The following KLHL26 variants were observed in gnomAD, a reference collection of about 807,000 sequenced individuals.
KLHL26 encodes the protein kelch-like protein 26.
In KLHL26, 4 loss-of-function variants were observed where a neutral mutation model predicts 7.1. The observed-to-expected ratio is 0.56, with a 90% CI of 0.28 to 1.28. The LOEUF is 1.28. Ranked by LOEUF, KLHL26 falls within the 50% of genes most tolerant of loss-of-function variation. The pLI is 0.11. For synonymous variants in KLHL26, 465 were observed against 414.1 expected (o/e 1.12, Z -1.49); for missense variants, 896 against 924.6 (o/e 0.97, Z 0.40).
chr19:18,660,294 CT>C (rs935176464), intron 1 of KLHL26, among the ~76,000 whole-genome samples: 10 of 152,340 alleles, frequency 6.6e-5, no homozygotes, highest in African/African-American at 2.4e-4. Flanking sequence ...AGAATGGCCC[CT>C]AGCCCGGGCC....
At chr19:18,655,378 C>A (rs1224805967) in intron 1 of KLHL26, among the ~76,000 whole-genome samples, 1 of 152,230 alleles carries the variant, frequency 6.6e-6, no homozygotes, top group South Asian at 2.1e-4. Context: ...CAGAGGCCCA[C>A]CCACCTGGGA....
intron 2 of KLHL26, among the ~76,000 whole-genome samples, chr19:18,666,587 C>A (rs931739468): frequency 1.6e-4 from 24 of 152,186 alleles, no homozygotes; most frequent in African/African-American, 5.3e-4. Flanking sequence ...CTCTCATGTT[C>A]TGCCTCGCAG....
In KLHL26 at chr19:18,668,658, C is replaced by T. The variant is rs1233713323; in HGVS notation, c.1261C>T (p.Arg421Cys). ...LCGMVYATGG[R>C]NRAGSLASVE... ...CGGCATGGTGTACGCCACGGGCGGC[C>T]GCAACCGAGCCGGCAGCCTGGCCTC... Residue 421 changes from arginine to cysteine, a missense_variant, in exon 3 of 3, where the codon CGC (arginine) becomes TGC (cysteine). Arg to Cys is a radical substitution (Grantham distance 180, BLOSUM62 -3). Transcript: ENST00000300976. 1.3e-6 allele frequency: 2 copies of T among 1,566,552 alleles called. No homozygotes were observed. The highest frequency in any genetic ancestry group is 1.7e-6 in the Non-Finnish European group (2 of 1,160,992).
rs569432237 is a variant in KLHL26, at chr19:18,649,708, C to G, written c.83+12571C>G. ...CTCTGGTAGCCGCTCTGCAGCTGTG[C>G]GGACCAGCTCTCTTAACACTTGTTA... On this transcript the variant is annotated intron_variant, in intron 1 of 2. Coordinates refer to ENST00000300976, the MANE Select transcript of KLHL26 (RefSeq NM_018316.3). The surrounding 1 kb of genome is among the most constrained non-coding windows in gnomAD (Gnocchi z 4.0). Among the ~76,000 whole-genome samples the G allele has an allele frequency of 6.6e-6, 1 of 152,222 alleles. No homozygotes were observed. Among genetic ancestry groups the G allele is most frequent in the African/African-American group, 2.4e-5 (1 of 41,446 alleles).
chr19:18,669,455 C>T lies in KLHL26; in HGVS notation c.*210C>T, dbSNP rs957150350. On this transcript the variant is annotated 3_prime_UTR_variant, in exon 3 of 3. Coordinates refer to ENST00000300976, the MANE Select transcript of KLHL26 (RefSeq NM_018316.3). Reference sequence around the variant, plus strand: ...TGCGAGTCCATCCGAGGGAGCCTGCCGGCAAAGCGTCTGACATGTGGTGGC... The same window carrying T: ...TGCGAGTCCATCCGAGGGAGCCTGCTGGCAAAGCGTCTGACATGTGGTGGC... The T allele has an allele frequency of 2.4e-5, 14 of 584,770 alleles. No homozygotes were observed. The highest frequency in any genetic ancestry group is 5.8e-5 in the East Asian group (2 of 34,696). The allele number at this position is 584,770 out of a possible 1,614,324, so 36.2% of individuals were successfully genotyped here. A position where few individuals can be genotyped will look rare whatever the true frequency, so the allele number is the denominator to read the frequency against.
rs989054921 is a variant in KLHL26 at position 18,650,538 on chromosome 19, T to A, written c.83+13401T>A. Among the ~76,000 whole-genome samples the A allele has an allele frequency of 2.0e-5, 3 of 152,072 alleles. No homozygotes were observed. The highest frequency in any genetic ancestry group is 7.2e-5 in the African/African-American group (3 of 41,416). On this transcript the variant is annotated intron_variant, in intron 1 of 2. Coordinates refer to ENST00000300976, the MANE Select transcript of KLHL26 (RefSeq NM_018316.3). This position sits in a 1 kb window ranked among gnomAD's most constrained non-coding sequence, Gnocchi z 4.2. The stretch of plus-strand genomic sequence containing the variant: ...GGCTGCGCTAGGTCTCTCCTCTGGC[T>A]CCCCCTCCTCGGGTCCTCGTGGCTC...
intron 1 of KLHL26, among the ~76,000 whole-genome samples, chr19:18,660,239 G>A (rs1028977710): frequency 2.0e-5 from 3 of 152,222 alleles, no homozygotes; most frequent in African/African-American, 7.2e-5. Context: ...CCTGGCTAGG[G>A]TGCCCGATGA....
Position 18,656,900 on chromosome 19 carries a change from C to T in KLHL26, c.84-7361C>T, listed in dbSNP as rs2052340080. Among the ~76,000 whole-genome samples, 1 of 152,142 alleles carries T rather than the reference C, an allele frequency of 6.6e-6. No homozygotes were observed. The highest frequency in any genetic ancestry group is 1.5e-5 in the Non-Finnish European group (1 of 68,006). ...AGGAGGGAGACACAGACAGCTGCAC[C>T]CTGGCGGCCCCTGAGCTGCAGTCTC... On this transcript the variant is annotated intron_variant, in intron 1 of 2. Coordinates refer to ENST00000300976, the MANE Select transcript of KLHL26 (RefSeq NM_018316.3). The surrounding 1 kb of genome is among the most constrained non-coding windows in gnomAD (Gnocchi z 4.4).
At position 18,669,432 on chromosome 19, in the gene KLHL26, C is replaced by T. The variant is rs62137132; in HGVS notation, c.*187C>T. 7.8e-5 allele frequency: 46 copies of T among 593,154 alleles called. 1 individual carries two copies. The highest frequency in any genetic ancestry group is 4.3e-4 in the African/African-American group (23 of 53,714). 36.7% of individuals were successfully genotyped at this position (593,154 alleles called of 1,614,324 possible). A position where few individuals can be genotyped will look rare whatever the true frequency, so the allele number is the denominator to read the frequency against. ...TCCTTCCCAAAGCAGATCCTGGCTGCGAGTCCATCCGAGGGAGCCTGCCGG... is the reference window on the plus strand; with the variant it reads ...TCCTTCCCAAAGCAGATCCTGGCTGTGAGTCCATCCGAGGGAGCCTGCCGG... On this transcript the variant is annotated 3_prime_UTR_variant, in exon 3 of 3. Coordinates refer to ENST00000300976, the MANE Select transcript of KLHL26 (RefSeq NM_018316.3).
At chr19:18,666,668 C>A (rs117535786) in intron 2 of KLHL26, among the ~76,000 whole-genome samples, 1 of 152,060 alleles carries the variant, frequency 6.6e-6, no homozygotes, top group Admixed American at 6.5e-5. Flanking sequence ...GTGGGAGGTG[C>A]TTCCCCGACC....
chr19:18,653,379 C>A (rs1568458068), intron 1 of KLHL26, among the ~76,000 whole-genome samples: 1 of 142,508 alleles, frequency 7.0e-6, no homozygotes, highest in Non-Finnish European at 1.5e-5. Flanking sequence ...ACCACCCACC[C>A]ACCCATCCGC....
At chr19:18,661,149 G>A (rs921006416) in intron 1 of KLHL26, among the ~76,000 whole-genome samples, 3 of 152,168 alleles carry the variant, frequency 2.0e-5, no homozygotes, top group African/African-American at 4.8e-5. Context: ...AGGCCTGGGT[G>A]GTTGAGTGAC....
At position 18,669,101 on chromosome 19, in the gene KLHL26, C is replaced by G. The variant is rs1292591302; in HGVS notation, c.1704C>G (p.Asn568Lys). 1 of 1,612,918 alleles carries G rather than the reference C, an allele frequency of 6.2e-7. No homozygotes were observed. Among genetic ancestry groups the G allele is most frequent in the Non-Finnish European group, 8.5e-7 (1 of 1,179,962 alleles). Residue 568 changes from asparagine (N) to lysine (K), a missense_variant, in exon 3 of 3, where the codon AAC becomes AAG. Transcript: ENST00000300976. ...AGATCTACATCGTCGGGGGCTACAA[C>G]TGGCGTCTCAACAACGTCACGGGCA... ...ERKIYIVGGY[N>K]WRLNNVTGIV...
chr19:18,643,380 G>C (rs1282498573), intron 1 of KLHL26, among the ~76,000 whole-genome samples: 2 of 150,718 alleles, frequency 1.3e-5, no homozygotes, highest in African/African-American at 4.9e-5. Context: ...GGGAGGCAGA[G>C]GTTGCAGTGA....
chr19:18,664,264 G>T lies in KLHL26; in HGVS notation c.87G>T (p.Thr29=). 6.3e-7 allele frequency: 1 copy of T among 1,596,292 alleles called. No homozygotes were observed. Among genetic ancestry groups the T allele is most frequent in the Non-Finnish European group, 8.5e-7 (1 of 1,171,962 alleles). Residue 29 remains threonine (T), a synonymous_variant, in exon 2 of 3, where the codon ACG becomes ACT. Transcript: ENST00000300976. The stretch of plus-strand genomic sequence containing the variant: ...CCCACCTCTGCTTTCCCCGCAGCAC[G>T]GCCGACAAGAACGGGGCCCTCAAGT... ...AGPGPERPNS[T]ADKNGALKCT...
chr19:18,644,342 T>C (rs1976764954), intron 1 of KLHL26, among the ~76,000 whole-genome samples: 1 of 152,240 alleles, frequency 6.6e-6, no homozygotes, highest in Non-Finnish European at 1.5e-5. Flanking sequence ...TTGGCTATTA[T>C]GAATCATGCT....
Position 18,668,696 on chromosome 19 carries a change from C to A in KLHL26, c.1299C>A (p.Tyr433Ter). ...RAGSLASVER[Y>*]CPRRNEWGYA... ...GCAGCCTGGCCTCCGTGGAGCGGTA[C>A]TGCCCCCGGCGCAATGAGTGGGGCT... Residue 433 changes from tyrosine (Y) to a stop codon, truncating the protein, a stop_gained, in exon 3 of 3, where the codon TAC (tyrosine) becomes TAA (stop). Coordinates refer to ENST00000300976, the MANE Select transcript of KLHL26 (RefSeq NM_018316.3). LOFTEE classifies it low-confidence loss of function (END_TRUNC). 6.4e-7 allele frequency: 1 copy of A among 1,572,486 alleles called. No individual in the cohort carries two copies. Among genetic ancestry groups the A allele is most frequent in the African/African-American group, 1.3e-5 (1 of 74,256 alleles).
intron 1 of KLHL26, among the ~76,000 whole-genome samples, chr19:18,640,033 G>T (rs1976685365): frequency 6.6e-6 from 1 of 150,912 alleles, no homozygotes; most frequent in African/African-American, 2.4e-5. Flanking sequence ...AACAAACTGT[G>T]TCCGTCCATA....
intron 1 of KLHL26, among the ~76,000 whole-genome samples, chr19:18,657,225 C>CTGTCTCCCTGTCTCTGGGTCTG (rs1568459763): frequency 6.6e-6 from 1 of 151,020 alleles, no homozygotes; most frequent in East Asian, 2.0e-4. Flanking sequence ...CCCTGGGTCT[C>CTGTCTCCCTGTCTCTGGGTCTG]TGTCTCCCTG....
Sources: gnomAD v4.1 joint callset for allele counts (sites outside exome capture counted in the v4.1 genomes callset) on GRCh38, gnomAD v4.1.1 for gene constraint, Gnocchi (gnomAD v3.1) non-coding constraint, MANE v1.5 for transcripts, NCBI Gene and HGNC (gene_info 2026-07-23, HGNC 2026-07-21) for gene names.